Variants in EPHA3 observed in about 807,000 individuals in gnomAD.
EPHA3 encodes the protein EPH receptor A3.
Under a neutral mutation model 107.1 loss-of-function variants are expected in EPHA3, and 42 were observed. That is an observed-to-expected ratio of 0.39 (90% CI 0.31 to 0.51). EPHA3 has a LOEUF of 0.51. Among genes scored for constraint, EPHA3 ranks in the 20% least tolerant of loss-of-function variants. The pLI is 0.78. For synonymous variants in EPHA3, 461 were observed against 424.8 expected (o/e 1.09, Z -1.05); for missense variants, 1,183 against 1,211.2 (o/e 0.98, Z 0.35).
intron 10 of EPHA3, among the ~76,000 whole-genome samples, chr3:89,418,358 A>G (rs1213611899): frequency 6.6e-6 from 1 of 151,388 alleles, no homozygotes; most frequent in African/African-American, 2.4e-5. Flanking sequence ...ACAGATAAAT[A>G]AATGTAAAGG....
At chr3:89,340,807 A>T in intron 3 of EPHA3, 109 bp from the exon 4 acceptor site, 1 of 1,207,466 alleles carries the variant, frequency 8.3e-7, no homozygotes, top group Non-Finnish European at 1.1e-6. Flanking sequence ...GGAGGAAAAA[A>T]CTTGATTTTT....
intron 3 of EPHA3, among the ~76,000 whole-genome samples, chr3:89,273,343 A>G (rs1705724815): frequency 6.6e-6 from 1 of 151,956 alleles, no homozygotes; most frequent in African/African-American, 2.4e-5. Flanking sequence ...CCATTTCTGT[A>G]TTCTATCTAT....
At chr3:89,151,670 T>G (rs1475033351) in intron 2 of EPHA3, among the ~76,000 whole-genome samples, 1 of 152,112 alleles carries the variant, frequency 6.6e-6, no homozygotes, top group African/African-American at 2.4e-5. Flanking sequence ...CATTGGAGCA[T>G]AATTCCAAAC....
At position 89,416,734 on chromosome 3, in the gene EPHA3, G is replaced by C. The variant is rs184778661; in HGVS notation, c.1889-2471G>C. On this transcript the variant is annotated intron_variant, in intron 10 of 16. Coordinates refer to ENST00000336596, the MANE Select transcript of EPHA3 (RefSeq NM_005233.6). ...TAAATGTGGGGAATTTTAAAAACTA[G>C]CATTGCTGAAACACAATTTTCATGA... Among the ~76,000 whole-genome samples the C allele has an allele frequency of 5.6e-3, 845 of 151,432 alleles. 7 individuals are homozygous for C. The highest frequency in any genetic ancestry group is 0.017 in the African/African-American group (708 of 41,432).
chr3:89,391,747 T>A (rs1175378748), intron 5 of EPHA3, among the ~76,000 whole-genome samples: 1 of 152,112 alleles, frequency 6.6e-6, no homozygotes, highest in African/African-American at 2.4e-5. Context: ...TGTATTCTCT[T>A]AAGAAATATT....
chr3:89,476,188 TG>T (rs1559710244), intron 16 of EPHA3, among the ~76,000 whole-genome samples: 2 of 145,772 alleles, frequency 1.4e-5, no homozygotes, highest in Admixed American at 1.4e-4. Flanking sequence ...TATATAAACA[TG>T]TATATATATA....
rs572891741 is a variant in EPHA3, at chr3:89,324,499, TA to T, written c.815-16416del. Among the ~76,000 whole-genome samples the T allele has an allele frequency of 3.7e-3, 561 of 151,930 alleles. 4 individuals are homozygous for T. The highest frequency in any genetic ancestry group is 0.012 in the African/African-American group (515 of 41,460). ...ACAGCTCCCAGCTAGTTTATTTTTT[TA>T]TTTTTTTTATTTTTTATTTTTTTTA... On this transcript the variant is annotated intron_variant, in intron 3 of 16. Transcript: ENST00000336596.
At chr3:89,409,414 C>A (rs1709115089) in intron 9 of EPHA3, among the ~76,000 whole-genome samples, 1 of 151,954 alleles carries the variant, frequency 6.6e-6, no homozygotes, top group Non-Finnish European at 1.5e-5. Flanking sequence ...TTGTAAATAT[C>A]ATCTTTAGAG....
At chr3:89,408,393 T>C (rs1370861666) in intron 9 of EPHA3, among the ~76,000 whole-genome samples, 1 of 152,126 alleles carries the variant, frequency 6.6e-6, no homozygotes. Context: ...ACATGCTAGG[T>C]AGTAGAAACT....
intron 2 of EPHA3, among the ~76,000 whole-genome samples, chr3:89,167,521 C>T (rs1705100716): frequency 6.6e-6 from 1 of 151,990 alleles, no homozygotes; most frequent in South Asian, 2.1e-4. Context: ...TAAAATGCAT[C>T]ATCTTCAATT....
At chr3:89,161,995 A>AATC (rs1289153324) in intron 2 of EPHA3, among the ~76,000 whole-genome samples, 6 of 150,200 alleles carry the variant, frequency 4.0e-5, no homozygotes, top group African/African-American at 4.9e-5. Context: ...TAATAATAAT[A>AATC]ATAGTAATAA....
intron 5 of EPHA3, among the ~76,000 whole-genome samples, chr3:89,347,915 A>C (rs974000053): frequency 3.3e-5 from 5 of 151,400 alleles, no homozygotes; most frequent in African/African-American, 9.6e-5. Context: ...GCTGGATTAC[A>C]TTTATTGATT....
chr3:89,342,000 A>T lies in EPHA3; in HGVS notation c.1216A>T (p.Thr406Ser), dbSNP rs1707536911. ...VTDLLAHTNYTFEIDAVNGVS... is the reference protein window; with the variant it reads ...VTDLLAHTNYSFEIDAVNGVS... ...AGACCTTCTGGCACATACTAACTAC[A>T]CCTTTGAGATTGATGCCGTTAATGG... Residue 406 changes from threonine to serine, a missense_variant, in exon 5 of 17, where the codon ACC becomes TCC. By Grantham distance (58) the Thr-to-Ser change is moderately conservative. Transcript: ENST00000336596. 1 of 1,612,784 alleles carries T rather than the reference A, an allele frequency of 6.2e-7. No individual in the cohort carries two copies.
chr3:89,201,558 C>T (rs1388711258), intron 2 of EPHA3, among the ~76,000 whole-genome samples: 1 of 152,162 alleles, frequency 6.6e-6, no homozygotes, highest in African/African-American at 2.4e-5. Context: ...AAAGTGTTTA[C>T]TTTGCAAATG....
chr3:89,133,765 G>T (rs1160961655), intron 2 of EPHA3, among the ~76,000 whole-genome samples: 1 of 152,120 alleles, frequency 6.6e-6, no homozygotes, highest in Admixed American at 6.6e-5. Context: ...TCAATTTGCT[G>T]AGCATAATCT....
chr3:89,472,631 A>G lies in EPHA3; in HGVS notation c.2846+12A>G, dbSNP rs775599090. On this transcript the variant is annotated intron_variant, in intron 16 of 16. Transcript: ENST00000336596. ...AAGATTTCCACAGAGTAAGAAAAAA[A>G]AATTCATTAAGAAGAATGAAGGATT... 2.5e-6 allele frequency: 4 copies of G among 1,601,464 alleles called. No homozygotes were observed. The highest frequency in any genetic ancestry group is 3.4e-6 in the Non-Finnish European group (4 of 1,175,072).
intron 2 of EPHA3, among the ~76,000 whole-genome samples, chr3:89,163,221 A>G (rs184424964): frequency 9.2e-5 from 14 of 152,252 alleles, no homozygotes; most frequent in Admixed American, 9.2e-4. Flanking sequence ...AGGATAGTGT[A>G]CAGATTAGAG....
At chr3:89,401,875 G>A (rs1708971396) in intron 7 of EPHA3, among the ~76,000 whole-genome samples, 1 of 152,238 alleles carries the variant, frequency 6.6e-6, no homozygotes, top group African/African-American at 2.4e-5. Flanking sequence ...GCCTCCCAAA[G>A]TACTGGGACT....
chr3:89,354,339 G>A (rs1413197765), intron 5 of EPHA3, among the ~76,000 whole-genome samples: 6 of 150,886 alleles, frequency 4.0e-5, no homozygotes, highest in Non-Finnish European at 1.5e-5. Context: ...ACTACCACTG[G>A]CAAAACTCTT....
Sources: gnomAD v4.1 joint callset for allele counts (sites outside exome capture counted in the v4.1 genomes callset) on GRCh38, gnomAD v4.1.1 for gene constraint, MANE v1.5 for transcripts, NCBI Gene and HGNC (gene_info 2026-07-23, HGNC 2026-07-21) for gene names.